The following NOVA1 variants were observed in gnomAD, a reference collection of about 807,000 sequenced individuals.
The protein encoded by NOVA1 is NOVA alternative splicing regulator 1.
Under a neutral mutation model 38.0 loss-of-function variants are expected in NOVA1, and 7 were observed. That is an observed-to-expected ratio of 0.18 (90% CI 0.10 to 0.35). The LOEUF (loss-of-function observed/expected upper bound fraction) is 0.35. NOVA1 is among the 10% of genes least tolerant of loss of function. The pLI, the probability that NOVA1 is intolerant of heterozygous loss-of-function variation, is 1.00. For synonymous variants in NOVA1, 270 were observed against 232.5 expected (o/e 1.16, Z -1.47); for missense variants, 460 against 616.0 (o/e 0.75, Z 2.68).
chr14:26,549,845 G>C, intron 2 of NOVA1: 1 of 739,484 alleles, frequency 1.4e-6, no homozygotes. Flanking sequence ...GCAATTCGGT[G>C]GTGGGTGAAG....
chr14:26,472,560 A>C (rs1884669535), intron 3 of NOVA1, among the ~76,000 whole-genome samples, 169 bp from the exon 4 acceptor site: 1 of 152,168 alleles, frequency 6.6e-6, no homozygotes, highest in Non-Finnish European at 1.5e-5. Context: ...TTAAGTAACT[A>C]ATGCATGTAA....
intron 2 of NOVA1, among the ~76,000 whole-genome samples, chr14:26,550,517 A>G (rs1459198451): frequency 6.6e-6 from 1 of 152,158 alleles, no homozygotes; most frequent in Non-Finnish European, 1.5e-5. Flanking sequence ...TTAGTACAGA[A>G]AATTATTACC....
At position 26,578,355 on chromosome 14, in the gene NOVA1, C is replaced by T. The variant is rs201596499; in HGVS notation, c.280+17055G>A. On this transcript the variant is annotated intron_variant, in intron 2 of 4. Transcript: ENST00000539517. ...AGGAAGTGGGATAAAAAGAAACACA[C>T]TTTTTTTTTTTAAGTGGGAGAAAGA... Among the ~76,000 whole-genome samples, 51 of 86,078 alleles carry T rather than the reference C, an allele frequency of 5.9e-4. 1 individual carries two copies. The highest frequency in any genetic ancestry group is 4.6e-3 in the South Asian group (10 of 2,174). 56.5% of individuals were successfully genotyped at this position (86,078 alleles called of 152,430 possible). A position where few individuals can be genotyped will look rare whatever the true frequency, so the allele number is the denominator to read the frequency against.
At chr14:26,535,763 CT>C (rs1168384393) in intron 2 of NOVA1, among the ~76,000 whole-genome samples, 3 of 152,042 alleles carry the variant, frequency 2.0e-5, no homozygotes, top group Non-Finnish European at 4.4e-5. Flanking sequence ...CAAAACCATC[CT>C]GGTTAACGCG....
chr14:26,549,689 A>G, intron 2 of NOVA1: 1 of 1,273,400 alleles, frequency 7.9e-7, no homozygotes, highest in Non-Finnish European at 1.0e-6. Context: ...CAGTCTATGT[A>G]GTACTCCTAG....
intron 4 of NOVA1, among the ~76,000 whole-genome samples, chr14:26,461,541 C>T (rs1198814234): frequency 6.6e-6 from 1 of 152,032 alleles, no homozygotes; most frequent in Non-Finnish European, 1.5e-5. Flanking sequence ...CACTAGCAAA[C>T]TCAGAAGTCT....
At chr14:26,464,552 A>G (rs960064464) in intron 4 of NOVA1, among the ~76,000 whole-genome samples, 2 of 152,142 alleles carry the variant, frequency 1.3e-5, no homozygotes, top group Admixed American at 1.3e-4. Flanking sequence ...TCATTTACCA[A>G]TTGCATCTAT....
At chr14:26,566,001 T>C (rs533132413) in intron 2 of NOVA1, among the ~76,000 whole-genome samples, 6 of 152,214 alleles carry the variant, frequency 3.9e-5, no homozygotes, top group East Asian at 3.9e-4. Context: ...CAGGAGTATG[T>C]TTCATGGCAA....
chr14:26,484,412 G>GGTGACAGA, intron 2 of NOVA1, among the ~76,000 whole-genome samples: 1 of 117,572 alleles, frequency 8.5e-6, no homozygotes, highest in Non-Finnish European at 1.6e-5. Context: ...CTCCAGCCTG[G>GGTGACAGA]GCGAGACTCC....
intron 2 of NOVA1, among the ~76,000 whole-genome samples, chr14:26,575,786 A>T (rs1892803018): frequency 6.6e-6 from 1 of 152,038 alleles, no homozygotes; most frequent in South Asian, 2.1e-4. Context: ...TAATTATTTC[A>T]AATATTTTAT....
intron 3 of NOVA1, among the ~76,000 whole-genome samples, chr14:26,474,817 T>TATTTTAATAA (rs1354187106): frequency 6.6e-6 from 1 of 151,988 alleles, no homozygotes; most frequent in African/African-American, 2.4e-5. Flanking sequence ...GTTTAAATTA[T>TATTTTAATAA]TAAAATAATG....
chr14:26,452,443 C>A (rs557865635), intron 4 of NOVA1, among the ~76,000 whole-genome samples: 46 of 152,234 alleles, frequency 3.0e-4, no homozygotes, highest in Middle Eastern at 6.8e-3. Context: ...TGGGAAAAAA[C>A]AGAGGAGAAG....
chr14:26,577,863 G>A (rs1892961011), intron 2 of NOVA1, among the ~76,000 whole-genome samples: 1 of 152,004 alleles, frequency 6.6e-6, no homozygotes, highest in African/African-American at 2.4e-5. Flanking sequence ...TCAGTGTAGA[G>A]TTCAGATGAA....
chr14:26,598,024 G>C lies in NOVA1; in HGVS notation c.-588C>G, dbSNP rs1894319445. On this transcript the variant is annotated 5_prime_UTR_variant, in exon 1 of 5. Coordinates refer to ENST00000539517, the MANE Select transcript of NOVA1 (RefSeq NM_002515.3). ...GGTGCTGCCGCCGCCGCCGCTGCCGGAGCGGTTCTGCCGTTGCCTGGGCTG... is the reference window on the plus strand; with the variant it reads ...GGTGCTGCCGCCGCCGCCGCTGCCGCAGCGGTTCTGCCGTTGCCTGGGCTG... Among the ~76,000 whole-genome samples the C allele has an allele frequency of 6.6e-6, 1 of 150,912 alleles. No homozygotes were observed. Among genetic ancestry groups the C allele is most frequent in the South Asian group, 2.1e-4 (1 of 4,770 alleles).
chr14:26,566,749 C>T (rs542721994), intron 2 of NOVA1, among the ~76,000 whole-genome samples: 2 of 152,160 alleles, frequency 1.3e-5, no homozygotes, highest in South Asian at 4.1e-4. Flanking sequence ...TTGACAATGG[C>T]AATTTCTGTC....
intron 2 of NOVA1, chr14:26,568,433 T>C (rs1892267093): frequency 6.6e-6 from 1 of 152,110 alleles, no homozygotes; most frequent in Non-Finnish European, 1.5e-5. Flanking sequence ...ATTTCTGAAA[T>C]GGTTATAATA....
chr14:26,544,109 T>C (rs2138610684), intron 2 of NOVA1, among the ~76,000 whole-genome samples: 1 of 151,906 alleles, frequency 6.6e-6, no homozygotes, highest in South Asian at 2.1e-4. Context: ...AAATATATTT[T>C]CCCATGGGAC....
intron 2 of NOVA1, among the ~76,000 whole-genome samples, chr14:26,531,238 C>T (rs1030242689): frequency 8.5e-5 from 13 of 152,124 alleles, no homozygotes; most frequent in Non-Finnish European, 1.8e-4. Context: ...ACTTATTGAT[C>T]AAATTTGTTT....
intron 2 of NOVA1, among the ~76,000 whole-genome samples, chr14:26,577,584 A>G (rs1429163290): frequency 6.6e-6 from 1 of 152,108 alleles, no homozygotes; most frequent in Non-Finnish European, 1.5e-5. Flanking sequence ...TTTTGGCTTG[A>G]ATATATGGCT....
Sources: allele counts gnomAD v4.1 joint callset (sites outside exome capture counted in the v4.1 genomes callset), GRCh38; gene constraint gnomAD v4.1.1; transcripts MANE v1.5; gene names NCBI Gene and HGNC (gene_info 2026-07-23, HGNC 2026-07-21).